Variants in PLCB1 observed in about 807,000 individuals in gnomAD.
The protein encoded by PLCB1 is 1-phosphatidylinositol 4,5-bisphosphate phosphodiesterase beta-1.
PLCB1 carries 46 observed loss-of-function variants against 161.8 expected under a neutral mutation model. That is an observed-to-expected ratio of 0.28 (90% CI 0.22 to 0.36). The LOEUF (loss-of-function observed/expected upper bound fraction) is 0.36, where lower values mean the gene tolerates loss of function less well. PLCB1 is among the 10% of genes least tolerant of loss of function. The pLI, the probability that PLCB1 is intolerant of heterozygous loss-of-function variation, is 1.00. For synonymous variants in PLCB1, 517 were observed against 503.7 expected (o/e 1.03, Z -0.35); for missense variants, 1,016 against 1,472.5 (o/e 0.69, Z 5.07).
intron 27 of PLCB1, among the ~76,000 whole-genome samples, chr20:8,777,272 C>G (rs921780810): frequency 6.6e-6 from 1 of 152,036 alleles, no homozygotes; most frequent in Non-Finnish European, 1.5e-5. Flanking sequence ...AGGGACCACT[C>G]CGGGGCTGTG....
rs542450638 is a variant in PLCB1, at chr20:8,376,735, T to C, written c.246+5285T>C. Among the ~76,000 whole-genome samples the C allele has an allele frequency of 5.9e-5, 9 of 152,166 alleles. No homozygotes were observed. In the East Asian group the frequency reaches 7.8e-4, roughly 13 times the overall value. On this transcript the variant is annotated intron_variant, in intron 3 of 31. Transcript: ENST00000338037. ...CGAGGTCAGGAGATCGAGACCATCC[T>C]GGCTAACACAGTGAAACCCCGTCTC... is the stretch of plus-strand genomic sequence containing the variant.
intron 31 of PLCB1, among the ~76,000 whole-genome samples, chr20:8,791,775 T>G (rs1883549): frequency 2.0e-5 from 3 of 152,072 alleles, no homozygotes; most frequent in Non-Finnish European, 2.9e-5. Flanking sequence ...AAAGATTTTC[T>G]TGTTACTGCT....
In PLCB1 at chr20:8,162,927, C is replaced by A. The variant is rs571162494; in HGVS notation, c.177+12556C>A. ...AGACATTAACATATCAGAGTATATG[C>A]CTTCTTAGATACTAAAGTGACTTTT... On this transcript the variant is annotated intron_variant, in intron 2 of 31. Transcript: ENST00000338037. 2.0e-5 allele frequency among the ~76,000 whole-genome samples: 3 copies of A among 152,248 alleles called. No homozygotes were observed. The East Asian group carries it at 5.8e-4, about 29-fold the overall frequency.
intron 2 of PLCB1, among the ~76,000 whole-genome samples, chr20:8,194,342 C>T (rs539947954): frequency 1.3e-5 from 2 of 152,114 alleles, no homozygotes; most frequent in African/African-American, 4.8e-5. Flanking sequence ...TGACTATTAT[C>T]TGGTAAAGTG....
intron 3 of PLCB1, among the ~76,000 whole-genome samples, chr20:8,499,289 C>G (rs1303564847): frequency 6.6e-6 from 1 of 152,130 alleles, no homozygotes; most frequent in Non-Finnish European, 1.5e-5. Context: ...TCTTCACATT[C>G]CCTAATTTTC....
rs1449048085 is a variant in PLCB1 at position 8,717,792 on chromosome 20, C to G, written c.1457C>G (p.Ala486Gly). The G allele has an allele frequency of 1.2e-6, 2 of 1,614,020 alleles. No individual in the cohort carries two copies. Among genetic ancestry groups the G allele is most frequent in the African/African-American group, 1.3e-5 (1 of 75,042 alleles). The change falls in exon 14 of 32, where the codon GCC becomes GGC. Residue 486 changes from alanine (A) to glycine (G), a missense_variant. Transcript: ENST00000338037. Reference protein sequence around the residue: ...GSGKKKLSEQASNTYSDSSSM... With the variant: ...GSGKKKLSEQGSNTYSDSSSM... ...GGCAAAAAGAAGCTCTCAGAACAAG[C>G]CTCCAACACCTACAGTGACTCCTCC...
At chr20:8,614,246 C>T (rs1335692894) in intron 3 of PLCB1, among the ~76,000 whole-genome samples, 4 of 151,904 alleles carry the variant, frequency 2.6e-5, no homozygotes, top group Non-Finnish European at 4.4e-5. Flanking sequence ...GCTGTAGGTA[C>T]GATAAGTTGA....
intron 1 of PLCB1, among the ~76,000 whole-genome samples, chr20:8,135,932 G>A (rs150310211): frequency 6.6e-6 from 1 of 152,232 alleles, no homozygotes; most frequent in Non-Finnish European, 1.5e-5. Flanking sequence ...GGGAGATTGT[G>A]AGAGAAGCTC....
chr20:8,432,775 G>C (rs1980109640), intron 3 of PLCB1, among the ~76,000 whole-genome samples: 1 of 152,188 alleles, frequency 6.6e-6, no homozygotes, highest in African/African-American at 2.4e-5. Flanking sequence ...CTAGTCACCA[G>C]CCAAACAAGG....
chr20:8,178,150 A>T (rs933033268), intron 2 of PLCB1, among the ~76,000 whole-genome samples: 3 of 152,204 alleles, frequency 2.0e-5, no homozygotes, highest in Admixed American at 1.3e-4. Context: ...TAGTGCTGCA[A>T]TGAACATACA....
chr20:8,556,633 A>G (rs1025380286), intron 3 of PLCB1, among the ~76,000 whole-genome samples: 2 of 150,168 alleles, frequency 1.3e-5, no homozygotes, highest in African/African-American at 2.5e-5. Flanking sequence ...AGAGTTGTAA[A>G]CAGCCAGGCT....
At chr20:8,746,855 T>C (rs979834183) in intron 23 of PLCB1, among the ~76,000 whole-genome samples, 3 of 152,202 alleles carry the variant, frequency 2.0e-5, no homozygotes, top group African/African-American at 4.8e-5. Flanking sequence ...TTCTGCATGT[T>C]AAGTGTGAAG....
chr20:8,690,654 G>T (rs768989), intron 10 of PLCB1, among the ~76,000 whole-genome samples: 100,090 of 151,964 alleles, frequency 0.66, 34,057 homozygotes, highest in South Asian at 0.78. Context: ...AATTAGGGAG[G>T]TTACGAATCT....
At chr20:8,417,050 C>CATAT (rs1568667912) in intron 3 of PLCB1, among the ~76,000 whole-genome samples, 6 of 54,344 alleles carry the variant, frequency 1.1e-4, no homozygotes, top group African/African-American at 4.1e-4. Flanking sequence ...CACACACACA[C>CATAT]ACACATATAT....
At chr20:8,863,039 C>T (rs955566023) in intron 31 of PLCB1, among the ~76,000 whole-genome samples, 3 of 152,178 alleles carry the variant, frequency 2.0e-5, no homozygotes, top group Non-Finnish European at 4.4e-5. Context: ...AGAGTTATTT[C>T]TTGCAAAGGG....
At chr20:8,276,208 C>T (rs1294196040) in intron 2 of PLCB1, among the ~76,000 whole-genome samples, 8 of 152,092 alleles carry the variant, frequency 5.3e-5, no homozygotes, top group Non-Finnish European at 1.2e-4. Context: ...CAGGAATTCC[C>T]ACTGATTTGA....
chr20:8,647,892 T>G lies in PLCB1; in HGVS notation c.465-8T>G. 1 of 1,609,396 alleles carries G rather than the reference T, an allele frequency of 6.2e-7. No individual in the cohort carries two copies. Among genetic ancestry groups the G allele is most frequent in the Non-Finnish European group, 8.5e-7 (1 of 1,176,728 alleles). On this transcript the variant is annotated splice_region_variant and splice_polypyrimidine_tract_variant and intron_variant, in intron 5 of 31. Coordinates refer to ENST00000338037, the MANE Select transcript of PLCB1 (RefSeq NM_015192.4). ...AATCAAACCCTTGTTTTTCTGCTTC[T>G]CCAACAGCTATACTAAACTTAAGCT... is the stretch of plus-strand genomic sequence containing the variant.
At chr20:8,282,730 G>C (rs902791747) in intron 2 of PLCB1, among the ~76,000 whole-genome samples, 14 of 152,078 alleles carry the variant, frequency 9.2e-5, no homozygotes. Context: ...CTTTTTGGGT[G>C]GCTTTTTGGA....
At chr20:8,643,412 A>C (rs926196636) in intron 4 of PLCB1, among the ~76,000 whole-genome samples, 3 of 152,116 alleles carry the variant, frequency 2.0e-5, no homozygotes, top group Non-Finnish European at 4.4e-5. Context: ...AACTCCTGCC[A>C]TGTTAGCTCA....
Sources: gnomAD v4.1 joint callset for allele counts (sites outside exome capture counted in the v4.1 genomes callset) on GRCh38, gnomAD v4.1.1 for gene constraint, MANE v1.5 for transcripts, NCBI Gene and HGNC (gene_info 2026-07-23, HGNC 2026-07-21) for gene names.